Variants in MAPRE2 observed in about 807,000 individuals in gnomAD.
MAPRE2 encodes the protein microtubule-associated protein RP/EB family member 2.
MAPRE2 carries 13 observed loss-of-function variants against 43.2 expected under a neutral mutation model. That is an observed-to-expected ratio of 0.30 (90% CI 0.20 to 0.48). The LOEUF is 0.48. Ranked by LOEUF, MAPRE2 falls within the 20% of genes least tolerant of loss-of-function variation. The pLI is 0.99. For synonymous variants in MAPRE2, 135 were observed against 148.8 expected, an observed-to-expected ratio of 0.91 and a Z score of 0.68; for missense variants, 161 against 400.2, an observed-to-expected ratio of 0.40 and a Z score of 5.10.
intron 2 of MAPRE2, among the ~76,000 whole-genome samples, chr18:35,030,097 C>T (rs559675505): frequency 6.6e-6 from 1 of 152,266 alleles, no homozygotes; most frequent in African/African-American, 2.4e-5. Flanking sequence ...ACATATACTG[C>T]TAACACCAAA....
chr18:34,986,993 T>C (rs2097021313), intron 1 of MAPRE2, among the ~76,000 whole-genome samples: 1 of 152,110 alleles, frequency 6.6e-6, no homozygotes, highest in Non-Finnish European at 1.5e-5. Flanking sequence ...ATTTATGAGA[T>C]AATGAATTAA....
intron 2 of MAPRE2, among the ~76,000 whole-genome samples, chr18:35,093,427 A>G (rs1908253742): frequency 6.6e-6 from 1 of 152,234 alleles, no homozygotes; most frequent in East Asian, 1.9e-4. Flanking sequence ...TATATAGCCA[A>G]AGGAAATTAA....
intron 1 of MAPRE2, 23 bp downstream of exon 1, chr18:35,041,684 A>G (rs1568980661): frequency 6.2e-7 from 1 of 1,613,930 alleles, no homozygotes; most frequent in South Asian, 1.1e-5. Flanking sequence ...GCACGAGAGC[A>G]GCGCCGGGGA....
intron 4 of MAPRE2, among the ~76,000 whole-genome samples, chr18:35,120,069 A>G (rs1003418210): frequency 3.9e-5 from 6 of 152,194 alleles, no homozygotes; most frequent in African/African-American, 1.4e-4. Context: ...AATGTAAAGC[A>G]AGGTGGCCAC....
At chr18:35,127,696 C>T (rs1335798568) in intron 5 of MAPRE2, 1 of 152,144 alleles carries the variant, frequency 6.6e-6, no homozygotes, top group Non-Finnish European at 1.5e-5. Flanking sequence ...TGATACTTCC[C>T]ACAATGGCAG....
chr18:34,977,594 G>C (rs981178), intron 1 of MAPRE2, among the ~76,000 whole-genome samples: 130,864 of 152,230 alleles, frequency 0.86, 56,448 homozygotes, highest in East Asian at 0.97. Context: ...TGGCGCTCGC[G>C]CGCTTGGGAG....
intron 2 of MAPRE2, among the ~76,000 whole-genome samples, chr18:35,006,790 CTG>C (rs2097032069): frequency 6.6e-6 from 1 of 152,142 alleles, no homozygotes; most frequent in Non-Finnish European, 1.5e-5. Flanking sequence ...TGGCAAAACC[CTG>C]TCTCTACTAA....
chr18:34,981,448 A>G (rs1158979460), intron 1 of MAPRE2, among the ~76,000 whole-genome samples: 3 of 152,184 alleles, frequency 2.0e-5, no homozygotes, highest in Non-Finnish European at 2.9e-5. Context: ...TATGATATAT[A>G]CCTAGCTCTG....
At chr18:35,114,142 C>G (rs1379424418) in intron 4 of MAPRE2, among the ~76,000 whole-genome samples, 1 of 152,162 alleles carries the variant, frequency 6.6e-6, no homozygotes, top group African/African-American at 2.4e-5. Flanking sequence ...AGAATCCATG[C>G]TCTTTCATCA....
chr18:35,126,951 C>T lies in MAPRE2; in HGVS notation c.614C>T (p.Ala205Val), dbSNP rs756654280. The change falls in exon 5 of 7, where the codon GCA (alanine) becomes GTA (valine). Residue 205 changes from alanine (A) to valine (V), a missense_variant. Transcript: ENST00000300249. ...CATTTATTCTGATTGCTTTCAGGTG[C>T]AGCTAAATCAAGTCCAGCAGCTAAA... ...SHHANSPTAG[A>V]AKSSPAAKPG... 6.2e-7 allele frequency: 1 copy of T among 1,613,532 alleles called. No homozygotes were observed. Among genetic ancestry groups the T allele is most frequent in the African/African-American group, 1.3e-5 (1 of 74,914 alleles).
At chr18:35,084,500 C>T (rs184186749) in intron 2 of MAPRE2, among the ~76,000 whole-genome samples, 1 of 152,290 alleles carries the variant, frequency 6.6e-6, no homozygotes, top group Admixed American at 6.5e-5. Context: ...AATTAATCTG[C>T]TGATGCTCTT....
Position 35,128,716 on chromosome 18 carries a change from G to T in MAPRE2, c.750+1629G>T, listed in dbSNP as rs925454022. ...TCTCAGATACCAAGGCACAACTGTA[G>T]AACTCTTTTTCCTTAAGGAACCCAA... On this transcript the variant is annotated intron_variant, in intron 5 of 6. Transcript: ENST00000300249. Among the ~76,000 whole-genome samples the T allele has an allele frequency of 7.9e-5, 12 of 152,260 alleles. 1 individual carries two copies. Among genetic ancestry groups the T allele is most frequent in the Admixed American group, 3.9e-4 (6 of 15,302 alleles).
intron 1 of MAPRE2, among the ~76,000 whole-genome samples, chr18:35,061,695 T>C (rs1478614468): frequency 1.3e-5 from 2 of 152,218 alleles, no homozygotes; most frequent in Non-Finnish European, 2.9e-5. Context: ...AAACAGAAGC[T>C]TTAATACCCA....
At chr18:35,084,647 C>T (rs1159951065) in intron 2 of MAPRE2, among the ~76,000 whole-genome samples, 1 of 152,236 alleles carries the variant, frequency 6.6e-6, no homozygotes, top group Admixed American at 6.5e-5. Context: ...GCACTCTCTT[C>T]AGTTCACATA....
intron 2 of MAPRE2, among the ~76,000 whole-genome samples, chr18:35,075,069 A>G (rs1268296076): frequency 6.6e-6 from 1 of 152,210 alleles, no homozygotes; most frequent in African/African-American, 2.4e-5. Flanking sequence ...GTCTTGGATC[A>G]AGTCACTGGT....
intron 4 of MAPRE2, among the ~76,000 whole-genome samples, chr18:35,115,257 A>C (rs190402611): frequency 6.6e-6 from 1 of 152,190 alleles, no homozygotes; most frequent in African/African-American, 2.4e-5. Flanking sequence ...CAGTCAACAC[A>C]TGGCTGTTTT....
chr18:34,990,634 A>G (rs2097023282), intron 1 of MAPRE2, among the ~76,000 whole-genome samples: 1 of 152,150 alleles, frequency 6.6e-6, no homozygotes, highest in South Asian at 2.1e-4. Flanking sequence ...AGTGTAAACC[A>G]CTGATGCCCT....
At chr18:34,998,075 G>A (rs537899690) in intron 1 of MAPRE2, among the ~76,000 whole-genome samples, 1 of 152,226 alleles carries the variant, frequency 6.6e-6, no homozygotes, top group Non-Finnish European at 1.5e-5. Flanking sequence ...CCAGTTGAGT[G>A]GAATTTAGCA....
At chr18:35,080,947 T>C (rs1322548285) in intron 2 of MAPRE2, among the ~76,000 whole-genome samples, 1 of 152,186 alleles carries the variant, frequency 6.6e-6, no homozygotes, top group African/African-American at 2.4e-5. Flanking sequence ...GACCAAATTA[T>C]TTGACATGAG....
Sources: gnomAD v4.1 joint callset for allele counts (sites outside exome capture counted in the v4.1 genomes callset) on GRCh38, gnomAD v4.1.1 for gene constraint, MANE v1.5 for transcripts, NCBI Gene and HGNC (gene_info 2026-07-23, HGNC 2026-07-21) for gene names.